Variants in NOL10 observed in about 807,000 individuals in gnomAD.
NOL10 encodes nucleolar protein 10.
A neutral mutation model predicts 103.5 loss-of-function variants in NOL10; 58 were observed. The observed-to-expected ratio is 0.56, with a 90% CI of 0.45 to 0.70. The LOEUF is 0.70. NOL10 is among the 30% of genes least tolerant of loss of function. NOL10 has a pLI of 0.00. For missense variants in NOL10, 763 were observed against 807.3 expected (o/e 0.95, Z 0.67); for synonymous variants, 287 against 282.5 (o/e 1.02, Z -0.16).
rs3832140 is a variant in NOL10, at chr2:10,571,783, T to TAAAA, written c.*284_*287dup. On this transcript the variant is annotated 3_prime_UTR_variant, in exon 21 of 21. Coordinates refer to ENST00000381685, the MANE Select transcript of NOL10 (RefSeq NM_024894.4). The stretch of plus-strand genomic sequence containing the variant: ...TTTCATGGTGTACATTTCACAATAT[T>TAAAA]AAAAAAACCCCAGCCTGGTTTTCAT... 144 of 264,856 alleles carry TAAAA rather than the reference T, an allele frequency of 5.4e-4. No individual in the cohort carries two copies. The highest frequency in any genetic ancestry group is 3.3e-3 in the East Asian group (43 of 13,150). The allele number at this position is 264,856 out of a possible 1,614,324, so 16.4% of individuals were successfully genotyped here. A position where few individuals can be genotyped will look rare whatever the true frequency, so the allele number is the denominator to read the frequency against.
chr2:10,661,590 T>G (rs1158263443), intron 9 of NOL10, among the ~76,000 whole-genome samples: 1 of 152,046 alleles, frequency 6.6e-6, no homozygotes, highest in Non-Finnish European at 1.5e-5. Context: ...AGGCTGGTCT[T>G]GAACTCCTAA....
chr2:10,624,834 C>A (rs575294912), intron 13 of NOL10, among the ~76,000 whole-genome samples: 1 of 152,216 alleles, frequency 6.6e-6, no homozygotes, highest in South Asian at 2.1e-4. Flanking sequence ...ATGTTTAGAG[C>A]GGCTTTATTC....
intron 8 of NOL10, 129 bp from the exon 9 acceptor site, chr2:10,663,173 T>C (rs923753243): frequency 7.8e-6 from 5 of 642,596 alleles, no homozygotes; most frequent in South Asian, 3.6e-5. Flanking sequence ...TTGAGACTAG[T>C]CTGACTAACA....
intron 6 of NOL10, 22 bp downstream of exon 6, chr2:10,671,531 GA>G: frequency 1.3e-6 from 2 of 1,534,222 alleles, no homozygotes; most frequent in Admixed American, 2.1e-5. Flanking sequence ...GTGAAAAGGA[GA>G]AAAAGGGACT....
At chr2:10,685,606 T>A (rs1170013792) in intron 1 of NOL10, among the ~76,000 whole-genome samples, 1 of 151,078 alleles carries the variant, frequency 6.6e-6, no homozygotes, top group Admixed American at 6.6e-5. Context: ...AACTCCAGAA[T>A]GGGAGACTGT....
intron 13 of NOL10, among the ~76,000 whole-genome samples, chr2:10,615,232 C>T (rs577570656): frequency 2.2e-3 from 335 of 152,194 alleles, no homozygotes; most frequent in African/African-American, 7.7e-3. Flanking sequence ...AATTTAATTT[C>T]AACATTTTAA....
intron 14 of NOL10, 55 bp from the exon 15 acceptor site, chr2:10,603,212 C>G: frequency 7.6e-7 from 1 of 1,324,030 alleles, no homozygotes; most frequent in Non-Finnish European, 1.1e-6. Flanking sequence ...CATTAACATT[C>G]AACAGTTTTT....
At chr2:10,611,774 G>C (rs1676579627) in intron 13 of NOL10, among the ~76,000 whole-genome samples, 1 of 152,176 alleles carries the variant, frequency 6.6e-6, no homozygotes, top group African/African-American at 2.4e-5. Context: ...AAATTAGCCA[G>C]GCGTGGTGGC....
At chr2:10,602,198 G>C (rs530108906) in intron 16 of NOL10, among the ~76,000 whole-genome samples, 43 of 152,380 alleles carry the variant, frequency 2.8e-4, no homozygotes, top group African/African-American at 9.9e-4. Flanking sequence ...CCTGGGTCCA[G>C]CTCCACGGGG....
intron 13 of NOL10, among the ~76,000 whole-genome samples, chr2:10,629,011 A>G (rs1272919766): frequency 6.6e-6 from 1 of 152,114 alleles, no homozygotes; most frequent in Non-Finnish European, 1.5e-5. Context: ...TCCAGGACAT[A>G]TGCCCCCCAG....
intron 17 of NOL10, among the ~76,000 whole-genome samples, chr2:10,596,523 A>G (rs1227243393): frequency 6.6e-6 from 1 of 152,136 alleles, no homozygotes; most frequent in Admixed American, 6.6e-5. Context: ...CGCAGTTCAC[A>G]ATAGGGTTCA....
At chr2:10,668,963 A>G (rs551963318) in intron 6 of NOL10, among the ~76,000 whole-genome samples, 1 of 152,344 alleles carries the variant, frequency 6.6e-6, no homozygotes, top group East Asian at 1.9e-4. Flanking sequence ...CTATTTACAA[A>G]TAAGATGGAG....
intron 13 of NOL10, among the ~76,000 whole-genome samples, chr2:10,635,524 A>G (rs1678144942): frequency 6.6e-6 from 1 of 152,226 alleles, no homozygotes; most frequent in African/African-American, 2.4e-5. Flanking sequence ...TCTACACAGA[A>G]GAAGGGGGCT....
chr2:10,584,236 G>A (rs879396612), intron 19 of NOL10, among the ~76,000 whole-genome samples: 3 of 152,072 alleles, frequency 2.0e-5, no homozygotes, highest in Non-Finnish European at 4.4e-5. Flanking sequence ...AGCGCTTCAG[G>A]TACGCAGGCC....
At chr2:10,634,129 G>A (rs909939282) in intron 13 of NOL10, among the ~76,000 whole-genome samples, 1 of 152,124 alleles carries the variant, frequency 6.6e-6, no homozygotes, top group Non-Finnish European at 1.5e-5. Flanking sequence ...CACTGGGCCT[G>A]TTTTGTTTAT....
intron 4 of NOL10, among the ~76,000 whole-genome samples, chr2:10,675,457 T>TG (rs577847678): frequency 1.6e-3 from 235 of 150,688 alleles, no homozygotes; most frequent in South Asian, 4.9e-3. Flanking sequence ...TTTGGGGGTT[T>TG]GGGGGGGGTG....
At chr2:10,658,335 C>T (rs554954211) in intron 10 of NOL10, among the ~76,000 whole-genome samples, 1 of 152,314 alleles carries the variant, frequency 6.6e-6, no homozygotes, top group South Asian at 2.1e-4. Context: ...GGACCCGTCA[C>T]TAGAGGCAAG....
intron 17 of NOL10, among the ~76,000 whole-genome samples, chr2:10,596,056 C>T (rs1356535341): frequency 2.0e-5 from 3 of 151,962 alleles, no homozygotes; most frequent in East Asian, 1.9e-4. Context: ...CCCAAAGTAT[C>T]TGTACCTAAT....
At chr2:10,663,405 C>T (rs576868075) in intron 8 of NOL10, among the ~76,000 whole-genome samples, 31 of 148,342 alleles carry the variant, frequency 2.1e-4, no homozygotes, top group Non-Finnish European at 4.5e-4. Context: ...CCTTAAAACA[C>T]ATACAAAAAT....
Sources: gnomAD v4.1 joint callset for allele counts (sites outside exome capture counted in the v4.1 genomes callset) on GRCh38, gnomAD v4.1.1 for gene constraint, MANE v1.5 for transcripts, NCBI Gene and HGNC (gene_info 2026-07-23, HGNC 2026-07-21) for gene names.